Variants in CTBP1 observed in about 807,000 individuals in gnomAD.
CTBP1 encodes the protein C-terminal binding protein 1.
In CTBP1, 11 loss-of-function variants were observed where a neutral mutation model predicts 42.1. The ratio of observed to expected loss-of-function variants is 0.26; its 90% CI spans 0.16 to 0.43. CTBP1 has a LOEUF of 0.43. Among genes scored for constraint, CTBP1 ranks in the 20% least tolerant of loss-of-function variants. CTBP1 has a pLI of 1.00. For synonymous variants in CTBP1, 324 were observed against 277.1 expected, an observed-to-expected ratio of 1.17 and a Z score of -1.68; for missense variants, 399 against 624.3, an observed-to-expected ratio of 0.64 and a Z score of 3.85.
intron 1 of CTBP1, chr4:1,242,275 C>A (rs1191934760): frequency 1.0e-6 from 1 of 985,316 alleles, no homozygotes; most frequent in Non-Finnish European, 1.2e-6. Flanking sequence ...GAGGGTGTCA[C>A]TGAGCTGCCC....
At chr4:1,242,625 G>A (rs1451814803) in intron 1 of CTBP1, 1 of 985,422 alleles carries the variant, frequency 1.0e-6, no homozygotes, top group Non-Finnish European at 1.2e-6. Flanking sequence ...CTCCCATCCA[G>A]GGTCCCCAAC....
intron 5 of CTBP1, chr4:1,216,557 A>C: frequency 3.8e-5 from 15 of 398,006 alleles, no homozygotes; most frequent in Non-Finnish European, 6.0e-5. Context: ...CACCCAACAC[A>C]TGTCCTCCGT....
At chr4:1,229,564 C>A (rs182815400) in intron 3 of CTBP1, among the ~76,000 whole-genome samples, 1 of 152,190 alleles carries the variant, frequency 6.6e-6, no homozygotes, top group Non-Finnish European at 1.5e-5. Context: ...GCCTAGGTGG[C>A]GTCTTTCCCT....
At chr4:1,232,483 T>C (rs540195823) in intron 3 of CTBP1, among the ~76,000 whole-genome samples, 12 of 152,220 alleles carry the variant, frequency 7.9e-5, no homozygotes, top group African/African-American at 2.9e-4. Context: ...GGCTAATTTC[T>C]ATATTTTTAG....
chr4:1,222,183 G>A lies in CTBP1; in HGVS notation c.514+3177C>T, dbSNP rs544896972. Among the ~76,000 whole-genome samples the A allele has an allele frequency of 1.6e-3, 237 of 152,316 alleles. 1 individual carries two copies. The highest frequency in any genetic ancestry group is 5.4e-3 in the African/African-American group (226 of 41,570). ...GAGGCTCTTCCACAGAGGGTGGGAT[G>A]GGGCTCAGGGACAAGGGCGAGGGGC... On this transcript the variant is annotated intron_variant, in intron 5 of 9. Transcript: ENST00000382952.
At chr4:1,228,932 G>A (rs562544460) in intron 3 of CTBP1, among the ~76,000 whole-genome samples, 1 of 152,354 alleles carries the variant, frequency 6.6e-6, no homozygotes, top group Non-Finnish European at 1.5e-5. Flanking sequence ...CCAAGAACCT[G>A]CCCAGAAATG....
intron 4 of CTBP1, among the ~76,000 whole-genome samples, chr4:1,225,771 A>C (rs976567116): frequency 6.6e-6 from 1 of 152,068 alleles, no homozygotes; most frequent in Non-Finnish European, 1.5e-5. Flanking sequence ...CCCCACCTCC[A>C]CTTTAGGTTC....
chr4:1,249,084 C>G lies in CTBP1; in HGVS notation c.-357G>C, dbSNP rs1464097197. The stretch of plus-strand genomic sequence containing the variant: ...CGCCTGCGCCTGGCCGCCGCCGTGC[C>G]GAGTCTCCGCCGCGCCGCTGAGCCG... On this transcript the variant is annotated 5_prime_UTR_variant, in exon 1 of 10. Coordinates refer to ENST00000382952, the MANE Select transcript of CTBP1 (RefSeq NM_001012614.2). 4 of 281,534 alleles carry G rather than the reference C, an allele frequency of 1.4e-5. No homozygotes were observed. Among genetic ancestry groups the G allele is most frequent in the Non-Finnish European group, 2.1e-5 (4 of 189,896 alleles). The allele number at this position is 281,534 out of a possible 1,614,324, so 17.4% of individuals were successfully genotyped here. A position where few individuals can be genotyped will look rare whatever the true frequency, so the allele number is the denominator to read the frequency against.
At chr4:1,234,466 T>C (rs769536829) in intron 3 of CTBP1, among the ~76,000 whole-genome samples, 9 of 152,356 alleles carry the variant, frequency 5.9e-5, no homozygotes, top group Admixed American at 2.0e-4. Flanking sequence ...TGTGTATTTA[T>C]GTTGTCCTTT....
intron 5 of CTBP1, among the ~76,000 whole-genome samples, chr4:1,223,005 G>A (rs543813356): frequency 1.8e-4 from 27 of 152,130 alleles, no homozygotes; most frequent in South Asian, 4.1e-4. Flanking sequence ...CAGGACAGGC[G>A]GTGACCTGCA....
At chr4:1,250,052 G>T (rs959623607), upstream of CTBP1, 2 of 160,752 alleles carry the variant, frequency 1.2e-5, no homozygotes, top group African/African-American at 4.8e-5. Context: ...CATGGGGAGG[G>T]CCTCTGCGCG....
chr4:1,228,137 C>A, intron 4 of CTBP1, 62 bp downstream of exon 4: 9 of 1,588,382 alleles, frequency 5.7e-6, no homozygotes, highest in Non-Finnish European at 7.7e-6. Flanking sequence ...CCTCCATGGA[C>A]GAAGCAAGAC....
chr4:1,232,755 C>T (rs1731091108), intron 3 of CTBP1: 1 of 152,240 alleles, frequency 6.6e-6, no homozygotes, highest in Non-Finnish European at 1.5e-5. Context: ...GTTCCTCTAA[C>T]TGCTCTTCAT....
At position 1,241,479 on chromosome 4, in the gene CTBP1, C is replaced by G. The variant is rs758305912; in HGVS notation, c.-148G>C. 1 of 1,604,326 alleles carries G rather than the reference C, an allele frequency of 6.2e-7. No homozygotes were observed. The highest frequency in any genetic ancestry group is 1.3e-5 in the African/African-American group (1 of 74,854). The stretch of plus-strand genomic sequence containing the variant: ...GAGCCAAAGTGCTCAGGCTTCTGAT[C>G]CGCGGCAATCACTGAAGCCTGCGTC... On this transcript the variant is annotated 5_prime_UTR_variant, in exon 2 of 10. Transcript: ENST00000382952.
intron 1 of CTBP1, 104 bp downstream of exon 1, chr4:1,248,812 C>A: frequency 1.1e-6 from 1 of 927,066 alleles, no homozygotes; most frequent in Non-Finnish European, 1.3e-6. Context: ...AAGCCGGCGG[C>A]CCGCGGGCGC....
At chr4:1,239,183 G>A (rs573410933) in intron 2 of CTBP1, among the ~76,000 whole-genome samples, 11 of 152,274 alleles carry the variant, frequency 7.2e-5, no homozygotes, top group African/African-American at 2.6e-4. Context: ...AAGCCTCATC[G>A]GGGCCAACTG....
chr4:1,221,444 C>CGGGCAGAAATGTGTTCACACAA, intron 5 of CTBP1: 1 of 154,602 alleles, frequency 6.5e-6, no homozygotes, highest in East Asian at 1.9e-4. Context: ...ACAAAAAAGA[C>CGGGCAGAAATGTGTTCACACAA]GGGCAGAAAT....
chr4:1,245,016 A>G (rs1732570207), intron 1 of CTBP1: 1 of 985,436 alleles, frequency 1.0e-6, no homozygotes, highest in Non-Finnish European at 1.2e-6. Flanking sequence ...GCACAGCAGC[A>G]TGGAGCCACT....
At chr4:1,249,860 TCCCTTTAAGCATTAATATCAAAGC>T (rs1460021170), upstream of CTBP1, 1 of 208,934 alleles carries the variant, frequency 4.8e-6, no homozygotes, top group East Asian at 1.8e-4. Flanking sequence ...AGCTCTGCTT[TCCCTTTAAGCATTAATATCAAAGC>T]CCTGCCTGCT....
Sources: allele counts gnomAD v4.1 joint callset (sites outside exome capture counted in the v4.1 genomes callset), GRCh38; gene constraint gnomAD v4.1.1; transcripts MANE v1.5; gene names NCBI Gene and HGNC (gene_info 2026-07-23, HGNC 2026-07-21).